Variants in DYM observed in about 807,000 individuals in gnomAD.
DYM encodes the protein dymeclin.
DYM carries 78 observed loss-of-function variants against 93.1 expected under a neutral mutation model. That is an observed-to-expected ratio of 0.84 (90% CI 0.70 to 1.01). DYM has a LOEUF of 1.01. DYM is among the 50% of genes least tolerant of loss of function. The probability of loss-of-function intolerance (pLI) is 0.00; values close to 1 mark genes in which losing one functional copy is unlikely to be tolerated. For missense variants in DYM, 789 were observed against 845.0 expected (o/e 0.93, Z 0.82); for synonymous variants, 321 against 319.7 (o/e 1.00, Z -0.04).
At chr18:49,353,764 T>C (rs1027001336) in intron 6 of DYM, among the ~76,000 whole-genome samples, 1 of 152,032 alleles carries the variant, frequency 6.6e-6, no homozygotes, top group Admixed American at 6.6e-5. Context: ...AAAACTTTGA[T>C]GAAAGAAATC....
Position 49,058,721 on chromosome 18 carries a change from G to C in DYM, c.2026-14517C>G, listed in dbSNP as rs73957581. ...GTAAGCATGAAAATTAAACAACATT[G>C]AGAGTTACCTTGGAAACACCCATAA... is the stretch of plus-strand genomic sequence containing the variant. On this transcript the variant is annotated intron_variant, in intron 17 of 17. Coordinates refer to ENST00000675505, the MANE Select transcript of DYM (RefSeq NM_001353214.3). Among the ~76,000 whole-genome samples, 1,157 of 152,164 alleles carry C rather than the reference G, an allele frequency of 7.6e-3. 9 individuals are homozygous for C. The highest frequency in any genetic ancestry group is 0.026 in the African/African-American group (1,097 of 41,452).
intron 13 of DYM, among the ~76,000 whole-genome samples, chr18:49,226,178 T>C (rs2093522013): frequency 6.6e-6 from 1 of 152,132 alleles, no homozygotes; most frequent in Admixed American, 6.5e-5. Flanking sequence ...GCACCAGGTA[T>C]CTAAAATTCC....
intron 17 of DYM, chr18:49,048,133 A>C (rs1228840796): frequency 6.6e-6 from 1 of 152,262 alleles, no homozygotes; most frequent in Non-Finnish European, 1.5e-5. Flanking sequence ...CTTAGGCTCC[A>C]CGAAACCCTT....
intron 14 of DYM, among the ~76,000 whole-genome samples, chr18:49,178,818 GATA>G (rs1322727323): frequency 6.6e-6 from 1 of 152,052 alleles, no homozygotes; most frequent in African/African-American, 2.4e-5. Flanking sequence ...ACCATCTCCA[GATA>G]ATATTATAGA....
intron 15 of DYM, among the ~76,000 whole-genome samples, chr18:49,120,078 C>CAAAAAAAAAAAAAAAAAAAAAAAAAAAA (rs71165367): frequency 5.3e-5 from 3 of 56,166 alleles, no homozygotes; most frequent in Admixed American, 2.0e-4. Flanking sequence ...GATCCTGTCT[C>CAAAAAAAAAAAAAAAAAAAAAAAAAAAA]AAAAAAAAAA....
chr18:49,074,691 G>A (rs945531978), intron 17 of DYM, among the ~76,000 whole-genome samples: 1 of 152,160 alleles, frequency 6.6e-6, no homozygotes, highest in Non-Finnish European at 1.5e-5. Flanking sequence ...GTGCTTTGTA[G>A]AACAGAGCTA....
intron 3 of DYM, among the ~76,000 whole-genome samples, chr18:49,382,058 T>C (rs2068090958): frequency 1.3e-5 from 2 of 152,336 alleles, no homozygotes; most frequent in Admixed American, 6.5e-5. Context: ...ATCCCAACTT[T>C]GAAATCTTTG....
intron 13 of DYM, among the ~76,000 whole-genome samples, chr18:49,214,115 C>T (rs1037096837): frequency 4.6e-5 from 7 of 152,134 alleles, no homozygotes; most frequent in South Asian, 2.1e-4. Context: ...TTCAGTGGTA[C>T]AAAAAGATAC....
intron 5 of DYM, among the ~76,000 whole-genome samples, chr18:49,377,038 T>C (rs748640446): frequency 3.3e-5 from 5 of 152,196 alleles, no homozygotes; most frequent in Non-Finnish European, 5.9e-5. Context: ...AAGAGATAAA[T>C]ACACATGGTC....
At chr18:49,133,735 G>A (rs578229480) in intron 15 of DYM, among the ~76,000 whole-genome samples, 1 of 152,298 alleles carries the variant, frequency 6.6e-6, no homozygotes, top group South Asian at 2.1e-4. Flanking sequence ...GCTTTGGCTG[G>A]ACAAAAAGTT....
intron 15 of DYM, among the ~76,000 whole-genome samples, chr18:49,122,305 A>C (rs922649303): frequency 1.3e-5 from 2 of 152,236 alleles, no homozygotes; most frequent in African/African-American, 4.8e-5. Context: ...GCAATGTAGG[A>C]AGGCCTTCTA....
At chr18:49,227,196 T>C (rs879931834) in intron 13 of DYM, among the ~76,000 whole-genome samples, 2 of 152,184 alleles carry the variant, frequency 1.3e-5, no homozygotes, top group African/African-American at 2.4e-5. Context: ...AAACTGCCTC[T>C]TGGCAAAACG....
intron 16 of DYM, among the ~76,000 whole-genome samples, chr18:49,105,890 T>C (rs1477997634): frequency 5.9e-5 from 9 of 152,208 alleles, no homozygotes; most frequent in African/African-American, 2.2e-4. Flanking sequence ...TTCTGCTGAT[T>C]TGGGGTGGAG....
chr18:49,170,212 G>C (rs2088485560), intron 14 of DYM, among the ~76,000 whole-genome samples: 1 of 152,186 alleles, frequency 6.6e-6, no homozygotes, highest in Non-Finnish European at 1.5e-5. Context: ...AATTGAACCA[G>C]AGAGAGTAAT....
chr18:49,207,303 C>A (rs1382954044), intron 14 of DYM, among the ~76,000 whole-genome samples: 1 of 152,124 alleles, frequency 6.6e-6, no homozygotes, highest in Non-Finnish European at 1.5e-5. Context: ...TGTTTACCCC[C>A]AGAAGGCTTA....
At position 49,286,452 on chromosome 18, in the gene DYM, A is replaced by G; in HGVS notation, c.928T>C (p.Ser310Pro). The G allele has an allele frequency of 1.2e-6, 2 of 1,614,176 alleles. No homozygotes were observed. Among genetic ancestry groups the G allele is most frequent in the Non-Finnish European group, 1.7e-6 (2 of 1,179,998 alleles). ...APNPYRQAIM[S>P]FKNTQDSSPF... ...CACAAACCTTGTGTGTTCTTGAAGG[A>G]CATAATGGCTTGTCTGTAGGGGTTT... Residue 310 changes from serine (S) to proline (P), a missense_variant, in exon 9 of 18, where the codon TCC becomes CCC. Physicochemically the swap from Ser to Pro is moderately conservative, Grantham distance 74. Around this residue, in one of 3 missense-constraint regions of DYM, gnomAD observed 450 missense variants for 436.2 expected, o/e 1.03. Coordinates refer to ENST00000675505, the MANE Select transcript of DYM (RefSeq NM_001353214.3).
At chr18:49,310,048 A>T (rs571928886) in intron 8 of DYM, among the ~76,000 whole-genome samples, 1 of 152,264 alleles carries the variant, frequency 6.6e-6, no homozygotes, top group Non-Finnish European at 1.5e-5. Context: ...AAGCTTGTAA[A>T]TAATACCAAA....
At chr18:49,451,719 T>C (rs1344958684) in intron 1 of DYM, among the ~76,000 whole-genome samples, 1 of 152,262 alleles carries the variant, frequency 6.6e-6, no homozygotes, top group African/African-American at 2.4e-5. Context: ...TAAGGTTTAT[T>C]CTACAAACAA....
chr18:49,419,755 AT>A (rs746734905), intron 2 of DYM, among the ~76,000 whole-genome samples: 3 of 152,246 alleles, frequency 2.0e-5, no homozygotes, highest in Non-Finnish European at 4.4e-5. Context: ...TAGTCTCCTT[AT>A]TCCTTAAACA....
Sources: gnomAD v4.1 joint callset for allele counts (sites outside exome capture counted in the v4.1 genomes callset) on GRCh38, gnomAD v4.1.1 for gene constraint, gnomAD v4.1.1 regional missense constraint, MANE v1.5 for transcripts, NCBI Gene and HGNC (gene_info 2026-07-23, HGNC 2026-07-21) for gene names.